The following PYY variants were observed in gnomAD, a reference collection of about 807,000 sequenced individuals.
PYY encodes the protein peptide tyrosine tyrosine.
PYY carries 12 observed loss-of-function variants against 10.3 expected under a neutral mutation model. The observed-to-expected ratio is 1.17, with a 90% CI of 0.75 to 1.89. The LOEUF is 1.89. PYY is among the 40% of genes most tolerant of loss of function. The probability of loss-of-function intolerance (pLI) is 0.00; values close to 1 mark genes in which losing one functional copy is unlikely to be tolerated. For missense variants in PYY, 141 were observed against 134.0 expected, an observed-to-expected ratio of 1.05 and a Z score of -0.26; for synonymous variants, 66 against 62.0, an observed-to-expected ratio of 1.06 and a Z score of -0.30.
At chr17:43,963,570 A>AAAGAAAGAAAGAAAAG in intron 2 of PYY, among the ~76,000 whole-genome samples, 1 of 104,676 alleles carries the variant, frequency 9.6e-6, no homozygotes, top group African/African-American at 3.6e-5. Context: ...GGAAGGAAGG[A>AAAGAAAGAAAGAAAAG]AAAGAAAGAA....
intron 1 of PYY, among the ~76,000 whole-genome samples, chr17:43,971,870 A>G (rs1373889141): frequency 6.6e-6 from 1 of 151,986 alleles, no homozygotes; most frequent in African/African-American, 2.4e-5. Context: ...ATGAAGTCCA[A>G]TTTATCAATT....
At chr17:43,995,556 G>C in intron 1 of PYY, among the ~76,000 whole-genome samples, 1 of 152,288 alleles carries the variant, frequency 6.6e-6, no homozygotes, top group Middle Eastern at 3.4e-3. Context: ...CAGACGGGCC[G>C]GGCACGGTGG....
chr17:43,963,570 A>AAAAGAAAGAAAGAAAGAAAAG (rs1555617069), intron 2 of PYY, among the ~76,000 whole-genome samples: 3 of 104,646 alleles, frequency 2.9e-5, no homozygotes, highest in African/African-American at 1.1e-4. Flanking sequence ...GGAAGGAAGG[A>AAAAGAAAGAAAGAAAGAAAAG]AAAGAAAGAA....
chr17:43,992,097 G>A (rs1458610054), intron 1 of PYY, among the ~76,000 whole-genome samples: 1 of 131,170 alleles, frequency 7.6e-6, no homozygotes, highest in Admixed American at 8.9e-5. Context: ...TCCAGCCTGG[G>A]CAACAGTGCA....
chr17:43,955,640 C>T (rs2048666780), upstream of PYY, among the ~76,000 whole-genome samples: 1 of 152,084 alleles, frequency 6.6e-6, no homozygotes, highest in African/African-American at 2.4e-5. Flanking sequence ...GGGCAAGACA[C>T]ACCCCTGCCC....
chr17:43,981,745 C>T (rs2048885258), intron 1 of PYY, among the ~76,000 whole-genome samples: 1 of 152,160 alleles, frequency 6.6e-6, no homozygotes, highest in South Asian at 2.1e-4. Flanking sequence ...ACCTCGGCCT[C>T]CGAAAGTGCT....
chr17:43,963,598 G>GA (rs780809640), intron 2 of PYY, among the ~76,000 whole-genome samples: 1 of 82,298 alleles, frequency 1.2e-5, no homozygotes, highest in African/African-American at 4.3e-5. Context: ...AAGAAAGAAA[G>GA]AAAGAAAGAA....
intron 1 of PYY, among the ~76,000 whole-genome samples, chr17:43,988,323 G>C (rs989631027): frequency 6.6e-6 from 1 of 152,212 alleles, no homozygotes; most frequent in African/African-American, 2.4e-5. Flanking sequence ...CTTTACGAGC[G>C]TAAAAGCTCT....
At chr17:43,978,792 C>T (rs2048865046) in intron 1 of PYY, among the ~76,000 whole-genome samples, 1 of 152,222 alleles carries the variant, frequency 6.6e-6, no homozygotes, top group South Asian at 2.1e-4. Flanking sequence ...GTAGAGGTCA[C>T]CTCCCACTCC....
chr17:43,963,606 GAAA>G (rs1462151375), intron 2 of PYY, among the ~76,000 whole-genome samples: 1 of 89,912 alleles, frequency 1.1e-5, no homozygotes, highest in Non-Finnish European at 2.8e-5. Context: ...AAGAAAGAAA[GAAA>G]GAAAGAAAGA....
Position 43,995,259 on chromosome 17 carries a change from A to T in PYY, c.-463+9132T>A, listed in dbSNP as rs539355581. Among the ~76,000 whole-genome samples the T allele has an allele frequency of 1.2e-4, 19 of 152,322 alleles. No homozygotes were observed. In the East Asian group the frequency reaches 3.5e-3, roughly 28 times the overall value. On this transcript the variant is annotated intron_variant, in intron 1 of 6. Coordinates refer to the PYY transcript ENST00000360085. ...ATACCCCACAATCTCCTATCCGCAC[A>T]TTAACTTTACCTTGGGATATGCAAA...
intron 1 of PYY, among the ~76,000 whole-genome samples, chr17:43,992,861 G>A (rs1353096312): frequency 3.3e-5 from 5 of 152,190 alleles, no homozygotes; most frequent in African/African-American, 1.2e-4. Flanking sequence ...GTCAAGGGCT[G>A]CCCGCAACCA....
chr17:43,963,055 A>G (rs1457413727), intron 2 of PYY, among the ~76,000 whole-genome samples: 1 of 152,204 alleles, frequency 6.6e-6, no homozygotes. Context: ...AGCCACCGTC[A>G]TTTTCACATT....
chr17:43,958,135 CAAAAAAAAA>C (rs10661189), upstream of PYY: 5 of 47,278 alleles, frequency 1.1e-4, no homozygotes, highest in Non-Finnish European at 1.5e-4. Flanking sequence ...CTGAATACAC[CAAAAAAAAA>C]AAAAAAAAAA....
At chr17:43,961,579 C>T (rs940658502) in intron 2 of PYY, among the ~76,000 whole-genome samples, 1 of 152,094 alleles carries the variant, frequency 6.6e-6, no homozygotes, top group African/African-American at 2.4e-5. Context: ...CTCGCTCTGT[C>T]ACCCAAGCTG....
upstream of PYY, among the ~76,000 whole-genome samples, chr17:43,956,342 G>A (rs528566361): frequency 3.9e-5 from 6 of 152,038 alleles, no homozygotes; most frequent in East Asian, 1.9e-4. Flanking sequence ...ATTAATCACC[G>A]CCTCCTCATC....
chr17:43,975,706 T>G, intron 1 of PYY, among the ~76,000 whole-genome samples: 3 of 127,986 alleles, frequency 2.3e-5, no homozygotes, highest in African/African-American at 3.0e-5. Context: ...GTGACAGGAG[T>G]AAGACCCTGA....
At chr17:43,989,317 T>C (rs570557017) in intron 1 of PYY, among the ~76,000 whole-genome samples, 84 of 152,044 alleles carry the variant, frequency 5.5e-4, no homozygotes, top group Non-Finnish European at 9.7e-4. Context: ...GAGCTTGCAG[T>C]GAGCTGAGAT....
rs764387240 is a variant in PYY at position 43,953,434 on chromosome 17, G to A, written c.50C>T (p.Ala17Val). 6.2e-7 allele frequency: 1 copy of A among 1,612,400 alleles called. No individual in the cohort carries two copies. The highest frequency in any genetic ancestry group is 8.5e-7 in the Non-Finnish European group (1 of 1,179,360). The change falls in exon 2 of 4, where the codon GCC becomes GTC. Residue 17 changes from alanine (A) to valine (V), a missense_variant. Transcript: ENST00000692052. ...CAGCGCCCCTAGGCAGACGAGCAGGGCCAGAAGCACTGTGGTCAAGGCGGG... is the reference window on the plus strand; with the variant it reads ...CAGCGCCCCTAGGCAGACGAGCAGGACCAGAAGCACTGTGGTCAAGGCGGG... ...PWPALTTVLL[A>V]LLVCLGALVD...
Sources: gnomAD v4.1 joint callset for allele counts (sites outside exome capture counted in the v4.1 genomes callset) on GRCh38, gnomAD v4.1.1 for gene constraint, MANE v1.5 for transcripts, NCBI Gene and HGNC (gene_info 2026-07-23, HGNC 2026-07-21) for gene names.